The following PCNX4 variants were observed in gnomAD, a reference collection of about 807,000 sequenced individuals.
PCNX4 encodes the protein pecanex 4.
A neutral mutation model predicts 107.2 loss-of-function variants in PCNX4; 103 were observed. The ratio of observed to expected loss-of-function variants is 0.96; its 90% confidence interval spans 0.82 to 1.13. The LOEUF (loss-of-function observed/expected upper bound fraction) is 1.13, where lower values mean the gene tolerates loss of function less well. Among genes scored for constraint, PCNX4 ranks in the 50% most tolerant of loss-of-function variants. PCNX4 has a pLI of 0.00. For missense variants in PCNX4, 1,528 were observed against 1,379.4 expected (o/e 1.11, Z -1.71); for synonymous variants, 541 against 481.7 (o/e 1.12, Z -1.61).
At chr14:60,102,145 G>A (rs976791314) in intron 1 of PCNX4, among the ~76,000 whole-genome samples, 4 of 152,134 alleles carry the variant, frequency 2.6e-5, no homozygotes, top group Non-Finnish European at 2.9e-5. Context: ...CTAGAGATCT[G>A]TTCTACAACA....
rs1008411970 is a variant in PCNX4 at position 60,146,210 on chromosome 14, CA to C, written c.*11990del. ...ATGGTGGTAGGAAGAAAAAGGCTGT[CA>C]TTTTTTTAGAAAAACCTAGATGTAA... On this transcript the variant is annotated 3_prime_UTR_variant, in exon 11 of 11. Transcript: ENST00000406854. The surrounding 1 kb of genome is among the most constrained non-coding windows in gnomAD (Gnocchi z 4.9). 7 of 151,798 alleles carry C rather than the reference CA, an allele frequency of 4.6e-5. No homozygotes were observed. Among genetic ancestry groups the C allele is most frequent in the African/African-American group, 1.7e-4 (7 of 41,352 alleles). 9.4% of individuals were successfully genotyped at this position (151,798 alleles called of 1,614,324 possible).
intron 6 of PCNX4, among the ~76,000 whole-genome samples, chr14:60,117,777 C>T (rs1895878639): frequency 6.6e-6 from 1 of 152,078 alleles, no homozygotes; most frequent in Admixed American, 6.6e-5. Context: ...GGAAGTGTTC[C>T]ATACTCTTCT....
Position 60,133,951 on chromosome 14 carries a change from T to TA in PCNX4, c.3268-18dup. 3.1e-6 allele frequency: 5 copies of TA among 1,601,904 alleles called. No homozygotes were observed. Among genetic ancestry groups the TA allele is most frequent in the Non-Finnish European group, 3.4e-6 (4 of 1,172,322 alleles). On this transcript the variant is annotated intron_variant, in intron 10 of 10. Coordinates refer to ENST00000406854, the MANE Select transcript of PCNX4 (RefSeq NM_001330177.2). ...ATCTCTTTTCTTTTTCTCCTCCTCC[T>TA]ACCCTTTTTACTTTAAAGGGAATTT...
rs1410788645 is a variant in PCNX4, at chr14:60,138,100, A to AG, written c.*3879_*3880insG. ...AGCGAGACTCCATCTCAAAAAGAAA[A>AG]AAAAAAAAAAAGGATTCAGTGAATA... On this transcript the variant is annotated 3_prime_UTR_variant, in exon 11 of 11. Transcript: ENST00000406854. 6.6e-6 allele frequency: 1 copy of AG among 152,450 alleles called. No individual in the cohort carries two copies. The highest frequency in any genetic ancestry group is 1.5e-5 in the Non-Finnish European group (1 of 68,386). The allele number at this position is 152,450 out of a possible 1,614,324, so 9.4% of individuals were successfully genotyped here.
At chr14:60,111,251 C>T (rs1356367614) in intron 2 of PCNX4, 1 of 152,122 alleles carries the variant, frequency 6.6e-6, no homozygotes. Context: ...ACTGACCTGT[C>T]CTTGGGTGTC....
chr14:60,125,953 A>G, intron 10 of PCNX4, 130 bp downstream of exon 10: 1 of 651,876 alleles, frequency 1.5e-6, no homozygotes, highest in Non-Finnish European at 2.3e-6. Context: ...GTTTTAAGGC[A>G]TTTGTAATCA....
intron 1 of PCNX4, among the ~76,000 whole-genome samples, chr14:60,095,502 C>G (rs1369898910): frequency 4.6e-5 from 7 of 152,060 alleles, no homozygotes; most frequent in Admixed American, 4.6e-4. Flanking sequence ...TATTTAGAAA[C>G]CAAAAGGGGG....
At chr14:60,096,306 A>G (rs1231788949) in intron 1 of PCNX4, among the ~76,000 whole-genome samples, 1 of 152,198 alleles carries the variant, frequency 6.6e-6, no homozygotes, top group African/African-American at 2.4e-5. Context: ...CCTCATAAGC[A>G]TGACTTCCTT....
intron 1 of PCNX4, among the ~76,000 whole-genome samples, chr14:60,093,313 CA>C (rs1385135936): frequency 6.6e-6 from 1 of 152,150 alleles, no homozygotes; most frequent in African/African-American, 2.4e-5. Flanking sequence ...TTCATCACCC[CA>C]AAAAGAAACC....
rs75157075 is a variant in PCNX4, at chr14:60,107,584, A to G, written c.-53-2A>G. 2.7e-5 allele frequency: 39 copies of G among 1,441,562 alleles called. No homozygotes were observed. Among genetic ancestry groups the G allele is most frequent in the Non-Finnish European group, 3.6e-5 (38 of 1,064,102 alleles). 89.3% of individuals were successfully genotyped at this position (1,441,562 alleles called of 1,614,324 possible). A position where few individuals can be genotyped will look rare whatever the true frequency, so the allele number is the denominator to read the frequency against. On this transcript the variant is annotated splice_acceptor_variant, in intron 1 of 10. Transcript: ENST00000406854. LOFTEE classifies it low-confidence loss of function (5UTR_SPLICE). The stretch of plus-strand genomic sequence containing the variant: ...TGACTTTTTTTAATTTTTATTTTTT[A>G]GAAACTGCTGTGTTACAGAAAAGCA...
In PCNX4 at chr14:60,108,255, A is replaced by C; in HGVS notation, c.617A>C (p.Asp206Ala). ...ATETATFQTQ[D>A]TYEIIPLMRP... ...GAGACTGCGACTTTCCAAACACAGG[A>C]TACTTATGAAATTATTCCTCTTATG... The change falls in exon 2 of 11, where the codon GAT becomes GCT. Residue 206 changes from aspartate to alanine, a missense_variant. Physicochemically the swap from Asp to Ala is moderately radical, Grantham distance 126. Transcript: ENST00000406854. 1.2e-6 allele frequency: 2 copies of C among 1,612,694 alleles called. No homozygotes were observed. The highest frequency in any genetic ancestry group is 1.7e-6 in the Non-Finnish European group (2 of 1,179,752).
At chr14:60,118,867 G>T (rs1173611182) in intron 7 of PCNX4, among the ~76,000 whole-genome samples, 175 bp downstream of exon 7, 1 of 152,078 alleles carries the variant, frequency 6.6e-6, no homozygotes, top group Non-Finnish European at 1.5e-5. Context: ...CCTGCTCCTT[G>T]TTTTCATCTA....
In PCNX4 at chr14:60,124,281, G is replaced by A. The variant is rs534338829; in HGVS notation, c.2110G>A (p.Glu704Lys). 12 of 1,606,412 alleles carry A rather than the reference G, an allele frequency of 7.5e-6. No homozygotes were observed. The Admixed American group carries it at 1.7e-4, about 23-fold the overall frequency. ...AEARRVDEVF[E>K]DAFEQEYTRV... ...AGCTCGCAGAGTTGATGAAGTTTTT[G>A]AAGATGCTTTTGAGCAAGAATACAC... Residue 704 changes from glutamate (E) to lysine (K), a missense_variant, in exon 9 of 11, where the codon GAA (glutamate) becomes AAA (lysine). Transcript: ENST00000406854.
intron 1 of PCNX4, among the ~76,000 whole-genome samples, chr14:60,101,385 A>C (rs1257308212): frequency 1.3e-5 from 2 of 152,140 alleles, no homozygotes. Flanking sequence ...GGCTTTTTTC[A>C]TCAACAATTT....
Position 60,139,789 on chromosome 14 carries a change from ATAAAT to A in PCNX4, c.*5572_*5576del, listed in dbSNP as rs1298885785. On this transcript the variant is annotated 3_prime_UTR_variant, in exon 11 of 11. Transcript: ENST00000406854. Reference sequence around the variant, plus strand: ...AAAATAGAAAAATTCTATTAAGTTCATAAATTAAGAAATACACTTTTAAATAACTC... The same window carrying A: ...AAAATAGAAAAATTCTATTAAGTTCATAAGAAATACACTTTTAAATAACTC... The A allele has an allele frequency of 4.6e-5, 7 of 152,162 alleles. No homozygotes were observed. The highest frequency in any genetic ancestry group is 3.3e-4 in the Admixed American group (5 of 15,286). 9.4% of individuals were successfully genotyped at this position (152,162 alleles called of 1,614,324 possible). A position where few individuals can be genotyped will look rare whatever the true frequency, so the allele number is the denominator to read the frequency against.
In PCNX4 at chr14:60,107,570, A is replaced by T; in HGVS notation, c.-53-16A>T. On this transcript the variant is annotated splice_polypyrimidine_tract_variant and intron_variant, in intron 1 of 10. Transcript: ENST00000406854. ...ACATTTTCAAACAGTGACTTTTTTT[A>T]ATTTTTATTTTTTAGAAACTGCTGT... 1 of 1,362,416 alleles carries T rather than the reference A, an allele frequency of 7.3e-7. No homozygotes were observed. The highest frequency in any genetic ancestry group is 1.0e-6 in the Non-Finnish European group (1 of 1,003,092). 84.4% of individuals were successfully genotyped at this position (1,362,416 alleles called of 1,614,324 possible). A position where few individuals can be genotyped will look rare whatever the true frequency, so the allele number is the denominator to read the frequency against.
intron 1 of PCNX4, among the ~76,000 whole-genome samples, chr14:60,104,819 T>C (rs61383889): frequency 1.3e-5 from 2 of 152,230 alleles, no homozygotes; most frequent in East Asian, 3.9e-4. Context: ...ACATGGGAAT[T>C]ATGGGAGCTA....
chr14:60,120,790 T>C (rs761823875), intron 7 of PCNX4, among the ~76,000 whole-genome samples: 33 of 152,190 alleles, frequency 2.2e-4, no homozygotes, highest in Middle Eastern at 3.2e-3. Flanking sequence ...TGTACATTTT[T>C]AAACCACAAA....
chr14:60,099,119 A>T (rs1375550839), intron 1 of PCNX4, among the ~76,000 whole-genome samples: 1 of 152,186 alleles, frequency 6.6e-6, no homozygotes, highest in African/African-American at 2.4e-5. Context: ...AACTTCATGT[A>T]TGCATACTTT....
Sources: allele counts gnomAD v4.1 joint callset (sites outside exome capture counted in the v4.1 genomes callset), GRCh38; gene constraint gnomAD v4.1.1; non-coding constraint Gnocchi (gnomAD v3.1); transcripts MANE v1.5; gene names NCBI Gene and HGNC (gene_info 2026-07-23, HGNC 2026-07-21).